Variants in BAIAP2L1 observed in about 807,000 individuals in gnomAD.
The protein encoded by BAIAP2L1 is BAR/IMD domain containing adaptor protein 2 like 1.
Under a neutral mutation model 66.3 loss-of-function variants are expected in BAIAP2L1, and 35 were observed. That is an observed-to-expected ratio of 0.53 (90% CI 0.40 to 0.70). The LOEUF is 0.70. BAIAP2L1 is among the 30% of genes least tolerant of loss of function. BAIAP2L1 has a pLI of 0.00. For missense variants in BAIAP2L1, 622 were observed against 656.9 expected (o/e 0.95, Z 0.58); for synonymous variants, 269 against 248.7 (o/e 1.08, Z -0.77).
intron 3 of BAIAP2L1, among the ~76,000 whole-genome samples, chr7:98,339,772 C>T (rs1469233050): frequency 1.3e-5 from 2 of 152,222 alleles, no homozygotes; most frequent in African/African-American, 4.8e-5. Context: ...TGTTTTCGTT[C>T]CTGACCCTTC....
intron 3 of BAIAP2L1, among the ~76,000 whole-genome samples, chr7:98,327,565 T>C (rs2115569556): frequency 6.6e-6 from 1 of 151,998 alleles, no homozygotes; most frequent in Middle Eastern, 3.4e-3. Context: ...CCCAGCTACC[T>C]GGGAGGCTGA....
At chr7:98,385,455 G>A (rs1000480134) in intron 1 of BAIAP2L1, among the ~76,000 whole-genome samples, 1 of 152,000 alleles carries the variant, frequency 6.6e-6, no homozygotes, top group Non-Finnish European at 1.5e-5. Flanking sequence ...GGTTCTTGCT[G>A]TGTTGCCCAG....
At chr7:98,340,329 C>A (rs1469768309) in intron 3 of BAIAP2L1, among the ~76,000 whole-genome samples, 1 of 152,102 alleles carries the variant, frequency 6.6e-6, no homozygotes, top group Non-Finnish European at 1.5e-5. Context: ...GCCTTGTCGC[C>A]CAGGCTGGAA....
At position 98,364,806 on chromosome 7, in the gene BAIAP2L1, G is replaced by A. The variant is rs1483331004; in HGVS notation, c.52-2374C>T. Among the ~76,000 whole-genome samples the A allele has an allele frequency of 4.6e-5, 7 of 150,724 alleles. No homozygotes were observed. In the East Asian group the frequency reaches 1.4e-3, roughly 29 times the overall value. On this transcript the variant is annotated intron_variant, in intron 1 of 13. Transcript: ENST00000005260. ...TTGCGACCAACCTGGACAACATATC[G>A]AGACTCCCATCGCTACAAAAAATAA...
At chr7:98,338,160 T>C (rs1000244522) in intron 3 of BAIAP2L1, among the ~76,000 whole-genome samples, 3 of 152,074 alleles carry the variant, frequency 2.0e-5, no homozygotes, top group Middle Eastern at 3.4e-3. Flanking sequence ...AGGCGGGGCA[T>C]GGTGGCTCAC....
chr7:98,378,985 G>A (rs1287574922), intron 1 of BAIAP2L1, among the ~76,000 whole-genome samples: 2 of 152,180 alleles, frequency 1.3e-5, no homozygotes, highest in African/African-American at 4.8e-5. Context: ...GTCTGCCACC[G>A]CGCCTGGCTA....
At position 98,293,272 on chromosome 7, in the gene BAIAP2L1, T is replaced by A; in HGVS notation, c.*249A>T. The A allele has an allele frequency of 2.5e-6, 1 of 407,070 alleles. No individual in the cohort carries two copies. Among genetic ancestry groups the A allele is most frequent in the Non-Finnish European group, 4.4e-6 (1 of 227,372 alleles). 25.2% of individuals were successfully genotyped at this position (407,070 alleles called of 1,614,324 possible). ...GATTGAAACCAAGTTTACTGTTTCT[T>A]GAACAGAATAGGAAGAAAATATTTT... On this transcript the variant is annotated 3_prime_UTR_variant, in exon 14 of 14. Transcript: ENST00000005260.
chr7:98,341,946 G>A (rs1293054378), intron 3 of BAIAP2L1, among the ~76,000 whole-genome samples: 6 of 150,904 alleles, frequency 4.0e-5, no homozygotes, highest in Non-Finnish European at 5.9e-5. Context: ...TTTCCCTACT[G>A]TGGTATGAAT....
intron 3 of BAIAP2L1, among the ~76,000 whole-genome samples, chr7:98,350,014 G>A (rs1430297039): frequency 6.6e-6 from 1 of 152,078 alleles, no homozygotes; most frequent in East Asian, 1.9e-4. Flanking sequence ...CTACAAGGGA[G>A]GCTGAGGTAG....
intron 13 of BAIAP2L1, 42 bp downstream of exon 13, chr7:98,294,032 G>A (rs374428368): frequency 2.6e-5 from 42 of 1,606,204 alleles, no homozygotes; most frequent in Non-Finnish European, 3.6e-5. Flanking sequence ...ACAGGGAAGA[G>A]CAATGTCACA....
chr7:98,356,619 C>G (rs1157384715), intron 2 of BAIAP2L1, among the ~76,000 whole-genome samples: 6 of 149,336 alleles, frequency 4.0e-5, no homozygotes, highest in Non-Finnish European at 8.9e-5. Context: ...GCCTCAGCCT[C>G]CCAAGTAGCT....
intron 1 of BAIAP2L1, chr7:98,386,645 T>G (rs1047506533): frequency 3.0e-5 from 40 of 1,347,956 alleles, no homozygotes; most frequent in Non-Finnish European, 3.5e-5. Context: ...TTCCGAGAAC[T>G]TTTTTTTGTC....
intron 12 of BAIAP2L1, among the ~76,000 whole-genome samples, chr7:98,298,396 A>T (rs1256505416): frequency 6.6e-6 from 1 of 152,232 alleles, no homozygotes; most frequent in Non-Finnish European, 1.5e-5. Flanking sequence ...ACGGATCACA[A>T]GGTCAGGAGA....
intron 2 of BAIAP2L1, among the ~76,000 whole-genome samples, chr7:98,356,843 C>T (rs1383104593): frequency 6.8e-6 from 1 of 146,104 alleles, no homozygotes; most frequent in African/African-American, 2.5e-5. Flanking sequence ...AAAAACTAGC[C>T]AGGCATGGTG....
chr7:98,383,051 T>C (rs1802795193), intron 1 of BAIAP2L1, among the ~76,000 whole-genome samples: 1 of 151,894 alleles, frequency 6.6e-6, no homozygotes, highest in African/African-American at 2.4e-5. Flanking sequence ...TAATCCCAGC[T>C]ACTTGGGAGG....
At chr7:98,359,755 T>TTG (rs1372974143) in intron 2 of BAIAP2L1, among the ~76,000 whole-genome samples, 1 of 149,172 alleles carries the variant, frequency 6.7e-6, no homozygotes, top group Non-Finnish European at 1.5e-5. Context: ...GTTTTTTTTT[T>TTG]TTTTTTTTTT....
intron 1 of BAIAP2L1, among the ~76,000 whole-genome samples, chr7:98,376,646 C>A (rs1222816453): frequency 2.0e-5 from 3 of 146,406 alleles, no homozygotes; most frequent in Non-Finnish European, 4.5e-5. Context: ...CATGGAGAAA[C>A]CCCATCTTTA....
chr7:98,390,958 G>A (rs992791687), intron 1 of BAIAP2L1, among the ~76,000 whole-genome samples: 1 of 151,474 alleles, frequency 6.6e-6, no homozygotes, highest in African/African-American at 2.4e-5. Context: ...CTCAGCCTCT[G>A]GAGTAGCTGG....
rs1259334502 is a variant in BAIAP2L1, at chr7:98,293,462, G to A, written c.*59C>T. On this transcript the variant is annotated 3_prime_UTR_variant, in exon 14 of 14. Coordinates refer to ENST00000005260, the MANE Select transcript of BAIAP2L1 (RefSeq NM_018842.5). ...ACCGTCAGCACGTGGCAGACAGGAT[G>A]CGCCCATCATTCCGCAAGGGAGAAC... The A allele has an allele frequency of 2.0e-6, 3 of 1,498,922 alleles. No homozygotes were observed. The highest frequency in any genetic ancestry group is 2.8e-6 in the Non-Finnish European group (3 of 1,077,248). 92.9% of individuals were successfully genotyped at this position (1,498,922 alleles called of 1,614,324 possible).
Sources: allele counts gnomAD v4.1 joint callset (sites outside exome capture counted in the v4.1 genomes callset), GRCh38; gene constraint gnomAD v4.1.1; transcripts MANE v1.5; gene names NCBI Gene and HGNC (gene_info 2026-07-23, HGNC 2026-07-21).